Variants in LRRTM4 observed in about 807,000 individuals in gnomAD.
LRRTM4 encodes the protein leucine-rich repeat transmembrane neuronal protein 4.
In LRRTM4, 25 loss-of-function variants were observed where a neutral mutation model predicts 47.6. That is an observed-to-expected ratio of 0.53 (90% CI 0.38 to 0.73). The LOEUF is 0.73. Ranked by LOEUF, LRRTM4 falls within the 30% of genes least tolerant of loss-of-function variation. The probability of loss-of-function intolerance (pLI) is 0.00; values close to 1 mark genes in which losing one functional copy is unlikely to be tolerated. For synonymous variants in LRRTM4, 311 were observed against 269.5 expected, an observed-to-expected ratio of 1.15 and a Z score of -1.51; for missense variants, 638 against 713.4, an observed-to-expected ratio of 0.89 and a Z score of 1.20.
At chr2:76,775,178 AT>A (rs1335699704) in intron 3 of LRRTM4, among the ~76,000 whole-genome samples, 1 of 152,128 alleles carries the variant, frequency 6.6e-6, no homozygotes, top group African/African-American at 2.4e-5. Context: ...TCCAGCAGGC[AT>A]TTATTGTTTT....
At position 76,933,605 on chromosome 2, in the gene LRRTM4, T is replaced by C. The variant is rs143867168; in HGVS notation, c.1552-184689A>G. On this transcript the variant is annotated intron_variant, in intron 3 of 3. Transcript: ENST00000409884. ...TAATTATTGCATTTAGATTATCATG[T>C]TTTGAAAAAATAACATAACAGGGTT... Among the ~76,000 whole-genome samples, 6 of 152,248 alleles carry C rather than the reference T, an allele frequency of 3.9e-5. No homozygotes were observed. In the East Asian group the frequency reaches 1.2e-3, roughly 29 times the overall value.
At chr2:77,192,409 G>A (rs1273595745) in intron 3 of LRRTM4, among the ~76,000 whole-genome samples, 1 of 151,242 alleles carries the variant, frequency 6.6e-6, no homozygotes, top group East Asian at 1.9e-4. Flanking sequence ...AAACAACATC[G>A]GGTACTTCCT....
At chr2:77,362,169 GAAAGGA>G (rs1672263288) in intron 3 of LRRTM4, among the ~76,000 whole-genome samples, 1 of 151,648 alleles carries the variant, frequency 6.6e-6, no homozygotes, top group Non-Finnish European at 1.5e-5. Context: ...AAGAAAGAAA[GAAAGGA>G]AGGAAGGAAG....
At chr2:77,468,546 T>C (rs1381182277) in intron 3 of LRRTM4, among the ~76,000 whole-genome samples, 1 of 152,204 alleles carries the variant, frequency 6.6e-6, no homozygotes, top group African/African-American at 2.4e-5. Flanking sequence ...CAAGTCCCCA[T>C]TGTGCTTTGA....
At chr2:77,286,313 T>C (rs1167346339) in intron 3 of LRRTM4, among the ~76,000 whole-genome samples, 1 of 152,048 alleles carries the variant, frequency 6.6e-6, no homozygotes, top group Admixed American at 6.6e-5. Context: ...ACATACAATA[T>C]AACATAGTCA....
chr2:77,083,456 A>G (rs962169134), intron 3 of LRRTM4, among the ~76,000 whole-genome samples: 7 of 152,158 alleles, frequency 4.6e-5, no homozygotes, highest in African/African-American at 1.7e-4. Context: ...TCTACCACAT[A>G]TTTCACCAAC....
intron 3 of LRRTM4, among the ~76,000 whole-genome samples, chr2:77,224,276 A>T (rs1179159857): frequency 1.3e-5 from 2 of 152,012 alleles, no homozygotes; most frequent in African/African-American, 2.4e-5. Context: ...AACCTAGGCA[A>T]TACCATTCAG....
At chr2:76,823,916 T>G (rs1671122018) in intron 3 of LRRTM4, among the ~76,000 whole-genome samples, 2 of 151,558 alleles carry the variant, frequency 1.3e-5, no homozygotes, top group African/African-American at 2.4e-5. Flanking sequence ...GATGCATGTC[T>G]TGTTGTTTTA....
chr2:77,090,713 T>C (rs956392220), intron 3 of LRRTM4, among the ~76,000 whole-genome samples: 9 of 152,062 alleles, frequency 5.9e-5, no homozygotes, highest in Admixed American at 1.3e-4. Context: ...TCCTCCTAAG[T>C]CATGTCCCAT....
intron 3 of LRRTM4, among the ~76,000 whole-genome samples, chr2:77,322,631 T>A (rs981179313): frequency 6.6e-6 from 1 of 151,940 alleles, no homozygotes; most frequent in African/African-American, 2.4e-5. Flanking sequence ...CCAGGAACAC[T>A]TACTTAGTTC....
At chr2:77,046,187 T>C (rs546724995) in intron 3 of LRRTM4, among the ~76,000 whole-genome samples, 2 of 152,060 alleles carry the variant, frequency 1.3e-5, no homozygotes, top group African/African-American at 4.8e-5. Context: ...ACTTCATAGG[T>C]GTTCCTATGT....
At chr2:76,780,158 A>T (rs1372477835) in intron 3 of LRRTM4, among the ~76,000 whole-genome samples, 7 of 152,040 alleles carry the variant, frequency 4.6e-5, no homozygotes, top group African/African-American at 9.7e-5. Context: ...CTTCCCTTTG[A>T]GGGTAACCCG....
intron 3 of LRRTM4, among the ~76,000 whole-genome samples, chr2:76,749,230 A>C (rs565839055): frequency 2.0e-5 from 3 of 152,186 alleles, no homozygotes; most frequent in Non-Finnish European, 4.4e-5. Context: ...AAAATTGATT[A>C]TGTAGATCCT....
At chr2:77,077,643 T>C (rs1027466304) in intron 3 of LRRTM4, among the ~76,000 whole-genome samples, 2 of 152,158 alleles carry the variant, frequency 1.3e-5, no homozygotes, top group East Asian at 3.9e-4. Context: ...GTGCCCAAGA[T>C]CCACAAAGAC....
At chr2:77,128,244 G>A (rs1036243234) in intron 3 of LRRTM4, among the ~76,000 whole-genome samples, 1 of 152,004 alleles carries the variant, frequency 6.6e-6, no homozygotes, top group Non-Finnish European at 1.5e-5. Context: ...GATGACGTAA[G>A]GGAAAAAAAT....
chr2:77,395,977 T>C (rs1367384905), intron 3 of LRRTM4, among the ~76,000 whole-genome samples: 1 of 151,876 alleles, frequency 6.6e-6, no homozygotes, highest in African/African-American at 2.4e-5. Context: ...TGCCAGGGAG[T>C]TAATTTTGCT....
intron 3 of LRRTM4, among the ~76,000 whole-genome samples, chr2:77,496,829 C>T (rs1326889761): frequency 6.6e-6 from 1 of 151,626 alleles, no homozygotes; most frequent in Non-Finnish European, 1.5e-5. Context: ...GTTTCCTCCT[C>T]TTCAATTCTT....
At chr2:77,355,524 C>T (rs1439705533) in intron 3 of LRRTM4, among the ~76,000 whole-genome samples, 2 of 152,106 alleles carry the variant, frequency 1.3e-5, no homozygotes, top group Non-Finnish European at 2.9e-5. Context: ...TACAATAATG[C>T]TATCACTGGA....
intron 3 of LRRTM4, among the ~76,000 whole-genome samples, chr2:76,802,274 A>C (rs1675739586): frequency 1.3e-5 from 2 of 151,938 alleles, no homozygotes; most frequent in African/African-American, 4.8e-5. Flanking sequence ...TAAAGTAAGT[A>C]AAGTTGTAGG....
Sources: gnomAD v4.1 joint callset for allele counts (sites outside exome capture counted in the v4.1 genomes callset) on GRCh38, gnomAD v4.1.1 for gene constraint, MANE v1.5 for transcripts, NCBI Gene and HGNC (gene_info 2026-07-23, HGNC 2026-07-21) for gene names.